CBLB: variants seen among roughly 807,000 people sequenced by gnomAD.
The protein encoded by CBLB is E3 ubiquitin-protein ligase CBL-B.
CBLB carries 31 observed loss-of-function variants against 104.9 expected under a neutral mutation model. The observed-to-expected ratio is 0.30, with a 90% CI of 0.22 to 0.40. The LOEUF (loss-of-function observed/expected upper bound fraction) is 0.40. CBLB is among the 10% of genes least tolerant of loss of function. CBLB has a pLI of 1.00. For missense variants in CBLB, 1,062 were observed against 1,214.6 expected (o/e 0.87, Z 1.87); for synonymous variants, 440 against 422.6 (o/e 1.04, Z -0.51).
chr3:105,856,384 A>T (rs2091619495), intron 2 of CBLB, among the ~76,000 whole-genome samples: 1 of 151,862 alleles, frequency 6.6e-6, no homozygotes, highest in Admixed American at 6.6e-5. Context: ...GGAAAAAAAA[A>T]AGAAATCACT....
upstream of CBLB, chr3:105,869,175 A>G (rs978839440): frequency 1.9e-5 from 11 of 586,008 alleles, no homozygotes; most frequent in East Asian, 1.3e-4. Context: ...CGCCCCGTCC[A>G]CGTCCTCCAC....
At chr3:105,785,885 T>TA (rs1352586642) in intron 3 of CBLB, among the ~76,000 whole-genome samples, 13 of 152,194 alleles carry the variant, frequency 8.5e-5, no homozygotes, top group Non-Finnish European at 1.9e-4. Flanking sequence ...CTGATATAGA[T>TA]ACCTCATAGA....
chr3:105,810,484 C>G, intron 3 of CBLB, among the ~76,000 whole-genome samples: 1 of 152,050 alleles, frequency 6.6e-6, no homozygotes, highest in East Asian at 1.9e-4. Context: ...AAAAACAAAT[C>G]AGAGGTTTTT....
intron 18 of CBLB, among the ~76,000 whole-genome samples, chr3:105,667,722 C>T (rs2064629602): frequency 1.3e-5 from 2 of 152,120 alleles, no homozygotes; most frequent in African/African-American, 2.4e-5. Flanking sequence ...AATGAAACTA[C>T]ATTTTAAACT....
At chr3:105,809,004 C>T (rs751580996) in intron 3 of CBLB, among the ~76,000 whole-genome samples, 1 of 152,010 alleles carries the variant, frequency 6.6e-6, no homozygotes, top group Non-Finnish European at 1.5e-5. Flanking sequence ...CATTTAGGAA[C>T]ATTCATTCAT....
intron 7 of CBLB, 93 bp from the exon 8 acceptor site, chr3:105,737,351 A>G (rs1431811711): frequency 3.4e-6 from 2 of 587,000 alleles, no homozygotes; most frequent in African/African-American, 3.7e-5. Flanking sequence ...TCAAACATAC[A>G]TTTGGATGTT....
chr3:105,821,954 C>T (rs988650973), intron 3 of CBLB, among the ~76,000 whole-genome samples: 1 of 152,092 alleles, frequency 6.6e-6, no homozygotes, highest in Non-Finnish European at 1.5e-5. Flanking sequence ...ATACTAAACA[C>T]ATCTTTCTGC....
At position 105,681,619 on chromosome 3, in the gene CBLB, T is replaced by C. The variant is rs745922403; in HGVS notation, c.2297-9A>G. ...TGAATCAAAAACATCTCCTAGAGGA[T>C]AACACAAAACCTTAATGTATTTTCA... On this transcript the variant is annotated splice_polypyrimidine_tract_variant and intron_variant, in intron 15 of 18. Transcript: ENST00000394030. 6.2e-7 allele frequency: 1 copy of C among 1,614,136 alleles called. No individual in the cohort carries two copies. Among genetic ancestry groups the C allele is most frequent in the East Asian group, 2.2e-5 (1 of 44,874 alleles).
At chr3:105,662,191 G>A (rs565684988) in intron 18 of CBLB, among the ~76,000 whole-genome samples, 15 of 152,286 alleles carry the variant, frequency 9.8e-5, no homozygotes, top group African/African-American at 2.6e-4. Flanking sequence ...AAGCCCAGAC[G>A]CAGCCTTCAC....
chr3:105,849,596 G>A (rs986017967), intron 3 of CBLB, among the ~76,000 whole-genome samples: 1 of 151,954 alleles, frequency 6.6e-6, no homozygotes, highest in African/African-American at 2.4e-5. Flanking sequence ...TTATCAAATG[G>A]AAATTATAAA....
At chr3:105,828,331 T>C (rs147611686) in intron 3 of CBLB, among the ~76,000 whole-genome samples, 13 of 152,262 alleles carry the variant, frequency 8.5e-5, no homozygotes, top group East Asian at 3.9e-4. Context: ...TGGGGAAATA[T>C]ATAATGATAG....
chr3:105,709,388 A>G (rs1036457172), intron 10 of CBLB, among the ~76,000 whole-genome samples: 11 of 151,900 alleles, frequency 7.2e-5, no homozygotes, highest in African/African-American at 2.6e-4. Flanking sequence ...TATCTTTTCA[A>G]TTTTCTGTTT....
chr3:105,775,250 T>C (rs79203322), intron 4 of CBLB, among the ~76,000 whole-genome samples: 3,230 of 152,174 alleles, frequency 0.021, 129 homozygotes, highest in African/African-American at 0.074. Flanking sequence ...GGAAATAGGC[T>C]TTAATATTTT....
At chr3:105,739,197 A>G (rs1297410837) in intron 7 of CBLB, among the ~76,000 whole-genome samples, 1 of 152,226 alleles carries the variant, frequency 6.6e-6, no homozygotes, top group African/African-American at 2.4e-5. Context: ...GGCGTAAGCC[A>G]CCACTCCCAC....
chr3:105,847,392 CCACACACACACACACA>C, intron 3 of CBLB, among the ~76,000 whole-genome samples: 2 of 143,538 alleles, frequency 1.4e-5, no homozygotes, highest in South Asian at 2.3e-4. Flanking sequence ...TAACCCTCCA[CCACACACACACACACA>C]CACACACACA....
chr3:105,696,051 C>T (rs536282573), intron 12 of CBLB, among the ~76,000 whole-genome samples: 75 of 151,384 alleles, frequency 5.0e-4, no homozygotes, highest in African/African-American at 1.7e-3. Context: ...TATATATATA[C>T]ACATACATAT....
chr3:105,718,037 C>T (rs1354415142), intron 10 of CBLB, among the ~76,000 whole-genome samples: 7 of 152,122 alleles, frequency 4.6e-5, no homozygotes, highest in African/African-American at 1.4e-4. Context: ...CATTACTACT[C>T]TGTAGCAGAA....
At chr3:105,796,402 A>G (rs906337699) in intron 3 of CBLB, among the ~76,000 whole-genome samples, 1 of 152,218 alleles carries the variant, frequency 6.6e-6, no homozygotes, top group East Asian at 1.9e-4. Context: ...CAGAAGATTG[A>G]AACTAGACCC....
At chr3:105,779,161 T>C (rs918848084) in intron 3 of CBLB, among the ~76,000 whole-genome samples, 11 of 152,360 alleles carry the variant, frequency 7.2e-5, no homozygotes, top group South Asian at 4.1e-4. Flanking sequence ...AATTTATTTT[T>C]TTAATTTTTA....
Sources: allele counts gnomAD v4.1 joint callset (sites outside exome capture counted in the v4.1 genomes callset), GRCh38; gene constraint gnomAD v4.1.1; transcripts MANE v1.5; gene names NCBI Gene and HGNC (gene_info 2026-07-23, HGNC 2026-07-21).